The following EDN1 variants were observed in gnomAD, a reference collection of about 807,000 sequenced individuals.
EDN1 encodes the protein endothelin-1.
Under a neutral mutation model 21.7 loss-of-function variants are expected in EDN1, and 11 were observed. The ratio of observed to expected loss-of-function variants is 0.51; its 90% CI spans 0.32 to 0.84. The LOEUF (loss-of-function observed/expected upper bound fraction) is 0.84. Among genes scored for constraint, EDN1 ranks in the 40% least tolerant of loss-of-function variants. The probability of loss-of-function intolerance (pLI) is 0.03; values close to 1 mark genes in which losing one functional copy is unlikely to be tolerated. For synonymous variants in EDN1, 85 were observed against 90.6 expected (o/e 0.94, Z 0.35); for missense variants, 244 against 262.3 (o/e 0.93, Z 0.48).
chr6:12,278,561 G>A, the EDN1 span, among the ~76,000 whole-genome samples: 507 of 152,108 alleles, frequency 3.3e-3, 7 homozygotes, highest in African/African-American at 0.012. Context: ...CATACATGTC[G>A]CATTCATTCA....
At chr6:12,231,017 G>GTT in the EDN1 span, among the ~76,000 whole-genome samples, 3 of 152,176 alleles carry the variant, frequency 2.0e-5, no homozygotes, top group African/African-American at 7.2e-5. Context: ...TCTGTCTGCA[G>GTT]TTCTCTCCCT....
At chr6:12,246,696 T>G in the EDN1 span, among the ~76,000 whole-genome samples, 2 of 143,814 alleles carry the variant, frequency 1.4e-5, no homozygotes, top group African/African-American at 2.6e-5. Flanking sequence ...TTTATTGTTC[T>G]CAGTTTAGAC....
upstream of EDN1, among the ~76,000 whole-genome samples, chr6:12,287,710 TCTCACACACACA>T (rs1415046302): frequency 3.3e-4 from 22 of 67,418 alleles, no homozygotes; most frequent in South Asian, 2.4e-3. Flanking sequence ...TCTCTCTCTC[TCTCACACACACA>T]CACACACACA....
the EDN1 span, among the ~76,000 whole-genome samples, chr6:12,234,799 A>G: frequency 6.6e-6 from 1 of 152,184 alleles, no homozygotes; most frequent in Non-Finnish European, 1.5e-5. Flanking sequence ...TGGGGACTTC[A>G]TTGGTGTCCA....
the EDN1 span, among the ~76,000 whole-genome samples, chr6:12,256,081 C>CA: frequency 1.5e-4 from 23 of 152,318 alleles, no homozygotes; most frequent in South Asian, 4.6e-3. Context: ...TGCAGTAGCT[C>CA]ACGCTTGTAA....
At chr6:12,254,461 A>T in the EDN1 span, among the ~76,000 whole-genome samples, 1 of 152,212 alleles carries the variant, frequency 6.6e-6, no homozygotes, top group Non-Finnish European at 1.5e-5. Context: ...CCACTTGATT[A>T]TAACAGCCTG....
intron 4 of EDN1, among the ~76,000 whole-genome samples, chr6:12,295,608 T>C (rs1440456824): frequency 6.6e-6 from 1 of 152,192 alleles, no homozygotes; most frequent in Non-Finnish European, 1.5e-5. Context: ...GCCATAACTA[T>C]TCAAAACCTA....
chr6:12,250,270 T>C, the EDN1 span, among the ~76,000 whole-genome samples: 2 of 152,124 alleles, frequency 1.3e-5, no homozygotes, highest in Non-Finnish European at 1.5e-5. Context: ...CACTTTTTTG[T>C]ATTTTGATGA....
chr6:12,256,713 A>G, the EDN1 span, among the ~76,000 whole-genome samples: 1 of 152,238 alleles, frequency 6.6e-6, no homozygotes, highest in Non-Finnish European at 1.5e-5. Context: ...GAACCATCCA[A>G]GGTTTATAAA....
the EDN1 span, among the ~76,000 whole-genome samples, chr6:12,284,813 G>A: frequency 6.6e-6 from 1 of 151,356 alleles, no homozygotes; most frequent in Non-Finnish European, 1.5e-5. Flanking sequence ...GAAGGTAGCT[G>A]CCGTATTTCT....
At chr6:12,263,671 A>G in the EDN1 span, among the ~76,000 whole-genome samples, 1 of 152,214 alleles carries the variant, frequency 6.6e-6, no homozygotes, top group Non-Finnish European at 1.5e-5. Flanking sequence ...ACACAATGAG[A>G]TCGTGGAAGA....
chr6:12,237,326 C>T, the EDN1 span, among the ~76,000 whole-genome samples: 15 of 152,252 alleles, frequency 9.9e-5, no homozygotes, highest in South Asian at 4.1e-4. Context: ...ACATTATCCA[C>T]GCTTATCTCA....
chr6:12,277,497 C>A, the EDN1 span, among the ~76,000 whole-genome samples: 1 of 152,316 alleles, frequency 6.6e-6, no homozygotes, highest in African/African-American at 2.4e-5. Context: ...AAGTAGCTTG[C>A]CCAAGGTTAC....
chr6:12,246,270 G>T, the EDN1 span, among the ~76,000 whole-genome samples: 4 of 152,148 alleles, frequency 2.6e-5, no homozygotes, highest in Non-Finnish European at 5.9e-5. Context: ...CATCTGAGAG[G>T]CTTCCTTCCA....
At chr6:12,249,681 G>A in the EDN1 span, among the ~76,000 whole-genome samples, 1 of 151,950 alleles carries the variant, frequency 6.6e-6, no homozygotes, top group Non-Finnish European at 1.5e-5. Context: ...TCATTTTATG[G>A]CTGTGTACAT....
chr6:12,287,704 TCTCTCTCTCA>T (rs1762578222), upstream of EDN1, among the ~76,000 whole-genome samples: 1 of 77,112 alleles, frequency 1.3e-5, no homozygotes, highest in South Asian at 4.5e-4. Flanking sequence ...TCTCTCTCTC[TCTCTCTCTCA>T]CACACACACA....
intron 4 of EDN1, among the ~76,000 whole-genome samples, chr6:12,295,322 T>C (rs927159978): frequency 3.3e-5 from 5 of 152,160 alleles, no homozygotes; most frequent in Non-Finnish European, 5.9e-5. Flanking sequence ...TCACACCTGC[T>C]TATGAGAGTA....
At chr6:12,259,975 A>G in the EDN1 span, among the ~76,000 whole-genome samples, 2 of 152,066 alleles carry the variant, frequency 1.3e-5, no homozygotes, top group African/African-American at 4.8e-5. Flanking sequence ...AATTAACCCT[A>G]TAGAAATAAA....
At chr6:12,237,998 T>C in the EDN1 span, among the ~76,000 whole-genome samples, 21 of 151,954 alleles carry the variant, frequency 1.4e-4, no homozygotes, top group African/African-American at 5.1e-4. Flanking sequence ...GGTGAAACCC[T>C]GTCTCTACTA....
Sources: allele counts gnomAD v4.1 joint callset (sites outside exome capture counted in the v4.1 genomes callset), GRCh38; gene constraint gnomAD v4.1.1; transcripts MANE v1.5; gene names NCBI Gene and HGNC (gene_info 2026-07-23, HGNC 2026-07-21).